GRM8: variants seen among roughly 807,000 people sequenced by gnomAD.
GRM8 encodes the protein glutamate metabotropic receptor 8.
GRM8 carries 47 observed loss-of-function variants against 87.2 expected under a neutral mutation model. That is an observed-to-expected ratio of 0.54 (90% CI 0.43 to 0.69). The LOEUF (loss-of-function observed/expected upper bound fraction) is 0.69, where lower values mean the gene tolerates loss of function less well. Ranked by LOEUF, GRM8 falls within the 30% of genes least tolerant of loss-of-function variation. The pLI is 0.00. For missense variants in GRM8, 1,019 were observed against 1,139.2 expected, an observed-to-expected ratio of 0.89 and a Z score of 1.52; for synonymous variants, 396 against 404.5, an observed-to-expected ratio of 0.98 and a Z score of 0.25.
intron 6 of GRM8, among the ~76,000 whole-genome samples, chr7:126,784,172 T>C (rs1199195428): frequency 6.6e-6 from 1 of 152,128 alleles, no homozygotes; most frequent in Admixed American, 6.6e-5. Context: ...CAGTAAGAAC[T>C]GAATCACTAA....
chr7:126,958,505 ACTGCGGCAGCCAGCGC>A (rs1808972831), intron 3 of GRM8, among the ~76,000 whole-genome samples: 1 of 152,060 alleles, frequency 6.6e-6, no homozygotes, highest in African/African-American at 2.4e-5. Flanking sequence ...TGCCTGCCCC[ACTGCGGCAGCCAGCGC>A]GCCTGGCTGT....
chr7:126,960,172 G>C (rs1263962347), intron 3 of GRM8, among the ~76,000 whole-genome samples: 1 of 151,966 alleles, frequency 6.6e-6, no homozygotes, highest in African/African-American at 2.4e-5. Flanking sequence ...ACAAGATTCT[G>C]GCAACTAGTG....
At chr7:126,454,487 A>T (rs1387709574) in intron 9 of GRM8, among the ~76,000 whole-genome samples, 2 of 148,702 alleles carry the variant, frequency 1.3e-5, no homozygotes, top group Non-Finnish European at 1.5e-5. Context: ...GCGGAGGCAC[A>T]TGATGTTTTA....
At chr7:126,948,536 G>C (rs1465267106) in intron 3 of GRM8, among the ~76,000 whole-genome samples, 1 of 151,240 alleles carries the variant, frequency 6.6e-6, no homozygotes, top group Admixed American at 6.6e-5. Context: ...GGAGATGAAG[G>C]AGCCACTAAA....
At chr7:126,609,549 C>T (rs1162651375) in intron 7 of GRM8, 51 bp from the exon 8 acceptor site, 1 of 1,428,274 alleles carries the variant, frequency 7.0e-7, no homozygotes, top group South Asian at 1.3e-5. Flanking sequence ...AGATAGCCCA[C>T]TGGGTTTATT....
intron 3 of GRM8, among the ~76,000 whole-genome samples, chr7:126,926,549 T>C (rs1186145154): frequency 2.6e-5 from 4 of 152,232 alleles, no homozygotes; most frequent in African/African-American, 7.2e-5. Context: ...ACATACTGTA[T>C]GTGGTCTAAA....
intron 8 of GRM8, among the ~76,000 whole-genome samples, chr7:126,561,871 G>A: frequency 1.5e-5 from 1 of 64,872 alleles, no homozygotes; most frequent in South Asian, 5.8e-4. Flanking sequence ...GTGAGAACAT[G>A]CGGTGTTTGG....
intron 3 of GRM8, among the ~76,000 whole-genome samples, chr7:127,024,171 AT>A (rs1347111452): frequency 2.6e-5 from 4 of 152,126 alleles, no homozygotes; most frequent in African/African-American, 9.7e-5. Context: ...GTATTTGGCT[AT>A]TAACAGCTGC....
intron 2 of GRM8, among the ~76,000 whole-genome samples, chr7:127,126,000 A>T (rs1169799155): frequency 3.2e-5 from 4 of 124,436 alleles, no homozygotes; most frequent in African/African-American, 1.7e-4. Flanking sequence ...GGATGCGGAG[A>T]AAAGGGAATG....
At position 127,024,275 on chromosome 7, in the gene GRM8, T is replaced by A. The variant is rs78445487; in HGVS notation, c.727+82221A>T. Among the ~76,000 whole-genome samples the A allele has an allele frequency of 2.6e-5, 4 of 152,210 alleles. No homozygotes were observed. The East Asian group carries it at 7.8e-4, about 30-fold the overall frequency. Reference sequence around the variant, plus strand: ...GCCTGGCCCAGGGCATGGCACTTAGTGAGCACTGAGGACATGACAGCTGTT... The same window carrying A: ...GCCTGGCCCAGGGCATGGCACTTAGAGAGCACTGAGGACATGACAGCTGTT... On this transcript the variant is annotated intron_variant, in intron 3 of 10. Coordinates refer to ENST00000339582, the MANE Select transcript of GRM8 (RefSeq NM_000845.3).
intron 8 of GRM8, among the ~76,000 whole-genome samples, chr7:126,545,205 G>A (rs1198818936): frequency 6.6e-6 from 1 of 152,156 alleles, no homozygotes; most frequent in Non-Finnish European, 1.5e-5. Context: ...TTTAAGGGAA[G>A]GGTGCAGGAA....
intron 6 of GRM8, among the ~76,000 whole-genome samples, chr7:126,855,557 C>A (rs1164293025): frequency 6.7e-6 from 1 of 149,656 alleles, no homozygotes; most frequent in Admixed American, 6.7e-5. Flanking sequence ...CTCATGGTAA[C>A]CTCTGCCTCT....
intron 6 of GRM8, among the ~76,000 whole-genome samples, chr7:126,875,044 T>C (rs1799418085): frequency 6.6e-6 from 1 of 152,130 alleles, no homozygotes. Context: ...GCCTCTTTTC[T>C]TGCATGGCCA....
At chr7:126,930,682 G>C (rs1805671635) in intron 3 of GRM8, among the ~76,000 whole-genome samples, 2 of 151,964 alleles carry the variant, frequency 1.3e-5, no homozygotes, top group Admixed American at 6.6e-5. Flanking sequence ...ACTTCTAATG[G>C]GTTACAAAAC....
chr7:126,517,267 G>A (rs1812317951), intron 9 of GRM8, among the ~76,000 whole-genome samples: 1 of 152,156 alleles, frequency 6.6e-6, no homozygotes, highest in East Asian at 1.9e-4. Context: ...GCAGAGTTTA[G>A]AGAATGCCAA....
intron 3 of GRM8, among the ~76,000 whole-genome samples, chr7:126,995,160 T>C (rs965202569): frequency 7.2e-5 from 11 of 152,310 alleles, no homozygotes; most frequent in African/African-American, 2.6e-4. Flanking sequence ...GGTATCTTTA[T>C]GAGTCTGTAT....
chr7:126,948,929 A>G (rs574245979), intron 3 of GRM8, among the ~76,000 whole-genome samples: 2 of 152,322 alleles, frequency 1.3e-5, no homozygotes, highest in African/African-American at 4.8e-5. Context: ...AGTGACACTA[A>G]GGTAGTAAAT....
At chr7:126,601,527 A>G (rs1797768131) in intron 8 of GRM8, among the ~76,000 whole-genome samples, 1 of 151,698 alleles carries the variant, frequency 6.6e-6, no homozygotes, top group African/African-American at 2.4e-5. Context: ...ACAATGGTTG[A>G]ACTAGTTTAC....
At chr7:126,623,238 T>G (rs1239783089) in intron 7 of GRM8, among the ~76,000 whole-genome samples, 3 of 152,200 alleles carry the variant, frequency 2.0e-5, no homozygotes, top group African/African-American at 7.2e-5. Context: ...AGGGGTGTAA[T>G]ATAGAAATTG....
Sources: gnomAD v4.1 joint callset for allele counts (sites outside exome capture counted in the v4.1 genomes callset) on GRCh38, gnomAD v4.1.1 for gene constraint, MANE v1.5 for transcripts, NCBI Gene and HGNC (gene_info 2026-07-23, HGNC 2026-07-21) for gene names.